Variants in PXDNL observed in about 807,000 individuals in gnomAD.
PXDNL encodes the protein peroxidasin like, also known as probable oxidoreductase PXDNL.
PXDNL carries 145 observed loss-of-function variants against 150.8 expected under a neutral mutation model. That is an observed-to-expected ratio of 0.96 (90% CI 0.84 to 1.10). The LOEUF (loss-of-function observed/expected upper bound fraction) is 1.10. Among genes scored for constraint, PXDNL ranks in the 50% least tolerant of loss-of-function variants. The pLI is 0.00. For synonymous variants in PXDNL, 757 were observed against 725.7 expected, an observed-to-expected ratio of 1.04 and a Z score of -0.69; for missense variants, 2,087 against 1,873.9, an observed-to-expected ratio of 1.11 and a Z score of -2.10.
At chr8:51,572,274 T>C (rs756593694) in intron 3 of PXDNL, among the ~76,000 whole-genome samples, 1 of 151,958 alleles carries the variant, frequency 6.6e-6, no homozygotes, top group African/African-American at 2.4e-5. Context: ...TGCAAAGCAG[T>C]ATTCATAGCA....
chr8:51,614,686 GA>G (rs747764918), intron 2 of PXDNL, among the ~76,000 whole-genome samples: 16 of 152,020 alleles, frequency 1.1e-4, no homozygotes, highest in Non-Finnish European at 1.6e-4. Flanking sequence ...ATCGACTTTA[GA>G]TTTTTTTACA....
chr8:51,724,917 C>T (rs189210551), intron 1 of PXDNL, among the ~76,000 whole-genome samples: 1 of 152,310 alleles, frequency 6.6e-6, no homozygotes, highest in African/African-American at 2.4e-5. Flanking sequence ...AATTGCTCCC[C>T]TCATCCAGGA....
chr8:51,381,954 ATTATAC>A (rs1807562873), intron 17 of PXDNL, among the ~76,000 whole-genome samples: 1 of 151,910 alleles, frequency 6.6e-6, no homozygotes, highest in Non-Finnish European at 1.5e-5. Context: ...TTTTATTATT[ATTATAC>A]TTTAAGTTTT....
At chr8:51,591,019 A>C (rs559319286) in intron 3 of PXDNL, among the ~76,000 whole-genome samples, 81 of 152,290 alleles carry the variant, frequency 5.3e-4, no homozygotes, top group African/African-American at 1.9e-3. Context: ...AAGAGGAGGG[A>C]CTATTAAGAA....
chr8:51,457,544 C>G lies in PXDNL; in HGVS notation c.936G>C (p.Gly312=), dbSNP rs201511392. The change falls in exon 9 of 23, where the codon GGG becomes GGC. Residue 312 remains glycine (G), a synonymous_variant. Transcript: ENST00000356297. ...VYQCMARNSA[G]EAKTQSAMLR... ...GCATGGCACTCTGTGTCTTGGCTTCCCCAGCGGAATTTCTGGCCATGCACT... is the reference window on the plus strand; with the variant it reads ...GCATGGCACTCTGTGTCTTGGCTTCGCCAGCGGAATTTCTGGCCATGCACT... 4.0e-4 allele frequency: 639 copies of G among 1,613,574 alleles called. No homozygotes were observed. Among genetic ancestry groups the G allele is most frequent in the Non-Finnish European group, 5.3e-4 (620 of 1,179,734 alleles).
At chr8:51,360,657 G>A (rs1806704877) in intron 19 of PXDNL, among the ~76,000 whole-genome samples, 1 of 152,206 alleles carries the variant, frequency 6.6e-6, no homozygotes, top group African/African-American at 2.4e-5. Flanking sequence ...CAGCCTAAAT[G>A]TTTTTCCAGA....
rs71237228 is a variant in PXDNL at position 51,683,164 on chromosome 8, CATATATATATATATATATATATAT to C, written c.165-28428_165-28405del. On this transcript the variant is annotated intron_variant, in intron 1 of 22. Transcript: ENST00000356297. ...ATCCTTACTAACACCAATTGTCTTT[CATATATATATATATATATATATAT>C]ATATATATATATGCCTATTAGAAAT... Among the ~76,000 whole-genome samples, 20 of 44,462 alleles carry C rather than the reference CATATATATATATATATATATATAT, an allele frequency of 4.5e-4. No homozygotes were observed. In the East Asian group the frequency reaches 0.014, roughly 31 times the overall value. 29.2% of individuals were successfully genotyped at this position (44,462 alleles called of 152,430 possible).
chr8:51,460,991 C>T (rs2130022131), intron 8 of PXDNL, among the ~76,000 whole-genome samples: 1 of 152,266 alleles, frequency 6.6e-6, no homozygotes, highest in South Asian at 2.1e-4. Context: ...TGGACCCTCC[C>T]AAGGCACCCA....
At chr8:51,429,338 G>T (rs1037926923) in intron 12 of PXDNL, among the ~76,000 whole-genome samples, 9 of 152,286 alleles carry the variant, frequency 5.9e-5, no homozygotes, top group Admixed American at 2.0e-4. Context: ...CCAGCACTTT[G>T]TGAGGCCGAG....
intron 3 of PXDNL, among the ~76,000 whole-genome samples, chr8:51,579,474 C>T (rs1813158005): frequency 6.6e-6 from 1 of 151,974 alleles, no homozygotes; most frequent in African/African-American, 2.4e-5. Context: ...TACAGAGAAA[C>T]TGGATCACAT....
intron 21 of PXDNL, among the ~76,000 whole-genome samples, chr8:51,328,629 CG>C (rs1459079304): frequency 6.6e-6 from 1 of 152,066 alleles, no homozygotes; most frequent in African/African-American, 2.4e-5. Flanking sequence ...AGTAACTTCC[CG>C]AACTAAAATG....
chr8:51,633,491 A>T (rs1814535133), intron 2 of PXDNL, among the ~76,000 whole-genome samples: 1 of 152,164 alleles, frequency 6.6e-6, no homozygotes, highest in Non-Finnish European at 1.5e-5. Context: ...AGACTGAACT[A>T]ATTTACATTC....
intron 4 of PXDNL, among the ~76,000 whole-genome samples, chr8:51,529,340 T>C (rs970369086): frequency 6.6e-6 from 1 of 152,206 alleles, no homozygotes; most frequent in East Asian, 1.9e-4. Flanking sequence ...GCAATAGTAA[T>C]GGGTAACTAG....
intron 3 of PXDNL, among the ~76,000 whole-genome samples, chr8:51,560,728 T>C (rs1307739279): frequency 6.6e-6 from 1 of 151,870 alleles, no homozygotes; most frequent in Admixed American, 6.6e-5. Flanking sequence ...TTGGCAAATA[T>C]TTCTTAAATG....
intron 1 of PXDNL, among the ~76,000 whole-genome samples, chr8:51,733,982 T>C (rs1816986308): frequency 6.6e-6 from 1 of 151,782 alleles, no homozygotes; most frequent in African/African-American, 2.4e-5. Context: ...TTAATAAACA[T>C]CTTGAATAGA....
chr8:51,731,286 C>G (rs1214580293), intron 1 of PXDNL, among the ~76,000 whole-genome samples: 1 of 152,112 alleles, frequency 6.6e-6, no homozygotes, highest in Non-Finnish European at 1.5e-5. Flanking sequence ...TGTTACAGAC[C>G]CCATGCAAGT....
chr8:51,411,438 A>G (rs1286552773), intron 15 of PXDNL, 31 bp from the exon 16 acceptor site: 1 of 1,541,238 alleles, frequency 6.5e-7, no homozygotes, highest in East Asian at 2.4e-5. Context: ...GATTCTTTAC[A>G]AGGCAAAACA....
intron 3 of PXDNL, among the ~76,000 whole-genome samples, chr8:51,567,126 G>A (rs375726168): frequency 2.0e-5 from 3 of 151,502 alleles, no homozygotes; most frequent in East Asian, 3.9e-4. Context: ...TAATTCCATT[G>A]TGGTTTGAGA....
intron 8 of PXDNL, among the ~76,000 whole-genome samples, chr8:51,464,858 A>G (rs1810167875): frequency 6.6e-6 from 1 of 152,160 alleles, no homozygotes; most frequent in Admixed American, 6.5e-5. Context: ...CCAGAACTTA[A>G]AGTATAATAA....
Sources: allele counts gnomAD v4.1 joint callset (sites outside exome capture counted in the v4.1 genomes callset), GRCh38; gene constraint gnomAD v4.1.1; transcripts MANE v1.5; gene names NCBI Gene and HGNC (gene_info 2026-07-23, HGNC 2026-07-21).